Variants in AGBL4 observed in about 807,000 individuals in gnomAD.
AGBL4 encodes AGBL carboxypeptidase 4.
Under a neutral mutation model 66.4 loss-of-function variants are expected in AGBL4, and 58 were observed. The ratio of observed to expected loss-of-function variants is 0.87; its 90% CI spans 0.71 to 1.09. AGBL4 has a LOEUF of 1.09. Among genes scored for constraint, AGBL4 ranks in the 50% least tolerant of loss-of-function variants. The pLI is 0.00. For synonymous variants in AGBL4, 234 were observed against 222.9 expected (o/e 1.05, Z -0.44); for missense variants, 579 against 631.0 (o/e 0.92, Z 0.88).
At chr1:49,647,442 C>G (rs1645911704) in intron 3 of AGBL4, among the ~76,000 whole-genome samples, 2 of 152,046 alleles carry the variant, frequency 1.3e-5, no homozygotes, top group African/African-American at 4.8e-5. Context: ...GCAGGAAAAC[C>G]TGAACTCTTA....
chr1:48,659,097 A>T (rs1646066597), intron 7 of AGBL4, among the ~76,000 whole-genome samples: 1 of 152,174 alleles, frequency 6.6e-6, no homozygotes, highest in Admixed American at 6.5e-5. Flanking sequence ...TGAAAAGAAG[A>T]GCTGAGAGCT....
intron 7 of AGBL4, among the ~76,000 whole-genome samples, chr1:48,658,731 G>A (rs1646059228): frequency 6.6e-6 from 1 of 152,182 alleles, no homozygotes; most frequent in Non-Finnish European, 1.5e-5. Flanking sequence ...GAGGTGGGAG[G>A]AAAGCAGAAT....
chr1:48,527,029 G>A, the AGBL4 span, among the ~76,000 whole-genome samples: 2 of 152,256 alleles, frequency 1.3e-5, no homozygotes, highest in African/African-American at 4.8e-5. Flanking sequence ...GGAAGCCATA[G>A]AGGAAATCTG....
In AGBL4 at chr1:49,031,790, C is replaced by A. The variant is rs190378362; in HGVS notation, c.594+13794G>T. Among the ~76,000 whole-genome samples, 6 of 152,154 alleles carry A rather than the reference C, an allele frequency of 3.9e-5. No homozygotes were observed. The East Asian group carries it at 1.2e-3, about 30-fold the overall frequency. On this transcript the variant is annotated intron_variant, in intron 5 of 13. Transcript: ENST00000371839. ...CCCATCTGACATCATACAATCCTTA[C>A]GCATAGAGCAGTATATAAGACAGAT...
intron 3 of AGBL4, among the ~76,000 whole-genome samples, chr1:49,663,753 T>C (rs962739105): frequency 1.3e-5 from 2 of 151,850 alleles, no homozygotes; most frequent in African/African-American, 4.8e-5. Flanking sequence ...AATAATTTGG[T>C]ACCAAAAGAG....
intron 4 of AGBL4, among the ~76,000 whole-genome samples, chr1:49,063,356 G>C (rs1644435744): frequency 6.6e-6 from 1 of 152,146 alleles, no homozygotes; most frequent in Non-Finnish European, 1.5e-5. Context: ...CAGGTAAATA[G>C]AATTTGGATG....
chr1:49,448,895 G>T (rs991546974), intron 3 of AGBL4, among the ~76,000 whole-genome samples: 1 of 150,856 alleles, frequency 6.6e-6, no homozygotes, highest in Non-Finnish European at 1.5e-5. Context: ...TTAAATATAT[G>T]ATTAATACTT....
chr1:49,831,448 A>G (rs1460583622), intron 2 of AGBL4, among the ~76,000 whole-genome samples: 1 of 152,104 alleles, frequency 6.6e-6, no homozygotes, highest in Non-Finnish European at 1.5e-5. Context: ...TGATTTTTGC[A>G]TATTGATTTT....
intron 4 of AGBL4, among the ~76,000 whole-genome samples, chr1:49,230,448 TCCAGAG>T (rs1224704419): frequency 2.0e-4 from 31 of 152,340 alleles, no homozygotes; most frequent in Middle Eastern, 3.4e-3. Flanking sequence ...GGGTAGAGCC[TCCAGAG>T]ACATTATCAC....
At chr1:49,059,777 C>A (rs1339367360) in intron 4 of AGBL4, among the ~76,000 whole-genome samples, 2 of 152,182 alleles carry the variant, frequency 1.3e-5, no homozygotes, top group African/African-American at 4.8e-5. Context: ...CAAAGGAGAT[C>A]ATTTTGGAAC....
intron 4 of AGBL4, among the ~76,000 whole-genome samples, chr1:49,104,752 C>T (rs1254379869): frequency 6.6e-6 from 1 of 152,290 alleles, no homozygotes; most frequent in South Asian, 2.1e-4. Context: ...TCACTCTAGG[C>T]ATGAACGGGC....
chr1:48,655,556 A>G (rs1456997898), intron 7 of AGBL4, among the ~76,000 whole-genome samples: 3 of 152,212 alleles, frequency 2.0e-5, no homozygotes, highest in Non-Finnish European at 4.4e-5. Context: ...TGATATAGGG[A>G]TAGTAATACC....
At chr1:48,775,369 C>G (rs1390735036) in intron 6 of AGBL4, among the ~76,000 whole-genome samples, 1 of 152,138 alleles carries the variant, frequency 6.6e-6, no homozygotes, top group Non-Finnish European at 1.5e-5. Flanking sequence ...CTGGGCAAGT[C>G]TCTATGGGTT....
At chr1:48,645,234 G>T (rs1645816876) in intron 8 of AGBL4, among the ~76,000 whole-genome samples, 1 of 152,174 alleles carries the variant, frequency 6.6e-6, no homozygotes. Flanking sequence ...TAAAGCAGGA[G>T]AGAGTCCCTG....
intron 6 of AGBL4, chr1:48,777,006 C>A: frequency 7.8e-6 from 1 of 127,826 alleles, no homozygotes. Flanking sequence ...TTCTGCCAAT[C>A]GGCTGCTTTC....
chr1:49,618,258 T>C (rs1645287818), intron 3 of AGBL4, among the ~76,000 whole-genome samples: 1 of 152,200 alleles, frequency 6.6e-6, no homozygotes, highest in Non-Finnish European at 1.5e-5. Context: ...CTATCATTAA[T>C]GGGCATTTGA....
intron 1 of AGBL4, among the ~76,000 whole-genome samples, chr1:49,946,777 T>C (rs1655247249): frequency 6.6e-6 from 1 of 151,784 alleles, no homozygotes; most frequent in Non-Finnish European, 1.5e-5. Flanking sequence ...GCTGGTTCTT[T>C]GAAAAGATAA....
chr1:49,511,277 A>G lies in AGBL4; in HGVS notation c.282+186036T>C, dbSNP rs200737029. 6.9e-4 allele frequency among the ~76,000 whole-genome samples: 105 copies of G among 151,896 alleles called. 2 individuals carry two copies. The East Asian group carries it at 0.018, about 27-fold the overall frequency. On this transcript the variant is annotated intron_variant, in intron 3 of 13. Coordinates refer to ENST00000371839, the MANE Select transcript of AGBL4 (RefSeq NM_032785.4). ...ACACCATGGAATACTATGCAGCCAT[A>G]AAAAATGATGAGTTCATGTCCTTTG...
chr1:49,166,821 C>G (rs1026738821), intron 4 of AGBL4, among the ~76,000 whole-genome samples: 1 of 152,140 alleles, frequency 6.6e-6, no homozygotes, highest in African/African-American at 2.4e-5. Flanking sequence ...AGAATCTTAG[C>G]CTTGACCTCT....
Sources: allele counts gnomAD v4.1 joint callset (sites outside exome capture counted in the v4.1 genomes callset), GRCh38; gene constraint gnomAD v4.1.1; transcripts MANE v1.5; gene names NCBI Gene and HGNC (gene_info 2026-07-23, HGNC 2026-07-21).